The following TMEM132B variants were observed in gnomAD, a reference collection of about 807,000 sequenced individuals.
TMEM132B encodes transmembrane protein 132B.
A neutral mutation model predicts 90.8 loss-of-function variants in TMEM132B; 18 were observed. That is an observed-to-expected ratio of 0.20 (90% CI 0.14 to 0.29). TMEM132B has a LOEUF of 0.29. Among genes scored for constraint, TMEM132B ranks in the 10% least tolerant of loss-of-function variants. TMEM132B has a pLI of 1.00. For synonymous variants in TMEM132B, 504 were observed against 523.3 expected, an observed-to-expected ratio of 0.96 and a Z score of 0.50; for missense variants, 1,096 against 1,326.8, an observed-to-expected ratio of 0.83 and a Z score of 2.70.
At chr12:125,400,534 G>A (rs1879289595) in intron 2 of TMEM132B, among the ~76,000 whole-genome samples, 1 of 152,206 alleles carries the variant, frequency 6.6e-6, no homozygotes, top group Admixed American at 6.5e-5. Context: ...ATGTAAGACT[G>A]GAGTCCCCAC....
At position 125,569,466 on chromosome 12, in the gene TMEM132B, C is replaced by T. The variant is rs1289036924; in HGVS notation, c.1294-14385C>T. 5.3e-5 allele frequency among the ~76,000 whole-genome samples: 8 copies of T among 152,208 alleles called. No homozygotes were observed. The South Asian group carries it at 8.3e-4, about 16-fold the overall frequency. Reference sequence around the variant, plus strand: ...ATGGGCTTAAGATCTGGTGTCCATCCGCAGCTGGTAAGGTGAAACATTTGT... The same window carrying T: ...ATGGGCTTAAGATCTGGTGTCCATCTGCAGCTGGTAAGGTGAAACATTTGT... On this transcript the variant is annotated intron_variant, in intron 4 of 8. Transcript: ENST00000682704.
rs966060787 is a variant in TMEM132B at position 125,458,013 on chromosome 12, G to A, written c.1106+42336G>A. Among the ~76,000 whole-genome samples, 35 of 152,110 alleles carry A rather than the reference G, an allele frequency of 2.3e-4. No homozygotes were observed. The highest frequency in any genetic ancestry group is 4.0e-4 in the Non-Finnish European group (27 of 68,014). On this transcript the variant is annotated intron_variant, in intron 3 of 8. Coordinates refer to ENST00000682704, the MANE Select transcript of TMEM132B (RefSeq NM_001366854.1). The surrounding 1 kb of genome is among the most constrained non-coding windows in gnomAD (Gnocchi z 4.9). Reference sequence around the variant, plus strand: ...AGAGCTGTATCAGGATGGGGTGTACGTCTCAGGTGATCCCTGGAGAGGTTT... The same window carrying A: ...AGAGCTGTATCAGGATGGGGTGTACATCTCAGGTGATCCCTGGAGAGGTTT...
At chr12:125,561,745 G>A (rs1006860258) in intron 4 of TMEM132B, among the ~76,000 whole-genome samples, 2 of 151,836 alleles carry the variant, frequency 1.3e-5, no homozygotes, top group Non-Finnish European at 2.9e-5. Context: ...CAACTATGTG[G>A]TTGAAATATT....
chr12:125,275,870 T>G (rs1298011192), intron 1 of TMEM132B, among the ~76,000 whole-genome samples: 1 of 152,148 alleles, frequency 6.6e-6, no homozygotes, highest in East Asian at 1.9e-4. Context: ...CATGCCACCA[T>G]GCCTGGCTAA....
intron 1 of TMEM132B, among the ~76,000 whole-genome samples, chr12:125,317,518 G>A (rs1876316197): frequency 6.6e-6 from 1 of 152,018 alleles, no homozygotes; most frequent in Admixed American, 6.5e-5. Flanking sequence ...AGGACTTTGG[G>A]CTTTGGTTTT....
chr12:125,621,158 C>T (rs930170014), intron 5 of TMEM132B, among the ~76,000 whole-genome samples: 1 of 152,110 alleles, frequency 6.6e-6, no homozygotes, highest in South Asian at 2.1e-4. Context: ...GAATGGGTCA[C>T]GTTTATAAAT....
chr12:125,431,302 TG>T (rs939576585), intron 3 of TMEM132B, among the ~76,000 whole-genome samples: 3 of 152,026 alleles, frequency 2.0e-5, no homozygotes, highest in Admixed American at 6.6e-5. Flanking sequence ...GCCTTGGTAA[TG>T]GGGGGTCCCC....
At chr12:125,430,981 T>G (rs1055255167) in intron 3 of TMEM132B, among the ~76,000 whole-genome samples, 1 of 151,912 alleles carries the variant, frequency 6.6e-6, no homozygotes, top group African/African-American at 2.4e-5. Context: ...CCAGAGTCCC[T>G]GAGGTGGCCG....
intron 2 of TMEM132B, among the ~76,000 whole-genome samples, chr12:125,365,338 T>C (rs1414394612): frequency 6.6e-6 from 1 of 152,118 alleles, no homozygotes; most frequent in African/African-American, 2.4e-5. Context: ...ATGTCCTTTA[T>C]GTTAATGTTA....
chr12:125,486,158 G>A (rs1214389391), intron 3 of TMEM132B, among the ~76,000 whole-genome samples: 1 of 152,190 alleles, frequency 6.6e-6, no homozygotes, highest in Non-Finnish European at 1.5e-5. Flanking sequence ...TAAAATAAAT[G>A]TATTTGAGCA....
chr12:125,591,699 C>T (rs909576065), intron 5 of TMEM132B, among the ~76,000 whole-genome samples: 5 of 152,282 alleles, frequency 3.3e-5, no homozygotes, highest in East Asian at 1.9e-4. Context: ...AGAGGAGAAT[C>T]GTTCCTTGCC....
At chr12:125,212,150 T>C (rs1159410895) in intron 1 of TMEM132B, among the ~76,000 whole-genome samples, 1 of 152,080 alleles carries the variant, frequency 6.6e-6, no homozygotes, top group Admixed American at 6.5e-5. Context: ...TTGCTTTGTG[T>C]TCTGCTTTCG....
Position 125,490,163 on chromosome 12 carries a change from G to A in TMEM132B, c.1107-29276G>A, listed in dbSNP as rs576387757. ...GTAACTAAAATACTAACGACATTAA[G>A]TTGAATTCTTACTGTGTGCCAGGTA... On this transcript the variant is annotated intron_variant, in intron 3 of 8. Coordinates refer to ENST00000682704, the MANE Select transcript of TMEM132B (RefSeq NM_001366854.1). The surrounding 1 kb of genome is among the most constrained non-coding windows in gnomAD (Gnocchi z 4.2). Among the ~76,000 whole-genome samples, 1 of 152,274 alleles carries A rather than the reference G, an allele frequency of 6.6e-6. No individual in the cohort carries two copies. The highest frequency in any genetic ancestry group is 1.5e-5 in the Non-Finnish European group (1 of 68,030).
At chr12:125,430,125 G>A (rs770788622) in intron 3 of TMEM132B, among the ~76,000 whole-genome samples, 10 of 152,178 alleles carry the variant, frequency 6.6e-5, no homozygotes, top group African/African-American at 1.7e-4. Context: ...ACGCCTGACC[G>A]TGCCTGACAC....
At chr12:125,531,208 CAG>C (rs1246343577) in intron 4 of TMEM132B, among the ~76,000 whole-genome samples, 2 of 151,888 alleles carry the variant, frequency 1.3e-5, no homozygotes, top group Admixed American at 6.6e-5. Flanking sequence ...GTTTTTGAGA[CAG>C]AGTCTTGCTC....
At chr12:125,400,851 C>T (rs550838604) in intron 2 of TMEM132B, among the ~76,000 whole-genome samples, 4 of 152,286 alleles carry the variant, frequency 2.6e-5, no homozygotes, top group East Asian at 1.9e-4. Context: ...TGCATGACTC[C>T]GCTCGACAGA....
At chr12:125,226,176 C>T (rs1487572927) in intron 1 of TMEM132B, among the ~76,000 whole-genome samples, 3 of 152,210 alleles carry the variant, frequency 2.0e-5, no homozygotes, top group Non-Finnish European at 4.4e-5. Context: ...TAGTAGCTTG[C>T]TCTCAGCTAA....
At chr12:125,617,915 T>C (rs1441704115) in intron 5 of TMEM132B, among the ~76,000 whole-genome samples, 2 of 151,074 alleles carry the variant, frequency 1.3e-5, no homozygotes, top group African/African-American at 4.9e-5. Flanking sequence ...TAATAGTTGC[T>C]CACCTGCAGC....
intron 2 of TMEM132B, among the ~76,000 whole-genome samples, chr12:125,360,848 T>C (rs1304802901): frequency 6.6e-6 from 1 of 151,850 alleles, no homozygotes; most frequent in Non-Finnish European, 1.5e-5. Context: ...AGGCAAGTTT[T>C]CTGAGTGATT....
Sources: allele counts gnomAD v4.1 joint callset (sites outside exome capture counted in the v4.1 genomes callset), GRCh38; gene constraint gnomAD v4.1.1; non-coding constraint Gnocchi (gnomAD v3.1); transcripts MANE v1.5; gene names NCBI Gene and HGNC (gene_info 2026-07-23, HGNC 2026-07-21).